The following PTPRD variants were observed in gnomAD, a reference collection of about 807,000 sequenced individuals.
The protein encoded by PTPRD is protein tyrosine phosphatase receptor type D.
A neutral mutation model predicts 214.5 loss-of-function variants in PTPRD; 34 were observed. That is an observed-to-expected ratio of 0.16 (90% CI 0.12 to 0.21). The LOEUF (loss-of-function observed/expected upper bound fraction) is 0.21. PTPRD is among the 10% of genes least tolerant of loss of function. The pLI is 1.00. For synonymous variants in PTPRD, 1,128 were observed against 845.7 expected, an observed-to-expected ratio of 1.33 and a Z score of -5.79; for missense variants, 2,545 against 2,398.7, an observed-to-expected ratio of 1.06 and a Z score of -1.27.
chr9:10,381,093 T>C (rs1261531780), intron 2 of PTPRD, among the ~76,000 whole-genome samples: 2 of 151,338 alleles, frequency 1.3e-5, no homozygotes, highest in East Asian at 2.0e-4. Context: ...ATAATTAAAA[T>C]ATAAGACCAA....
intron 9 of PTPRD, among the ~76,000 whole-genome samples, chr9:9,265,592 G>C (rs1390969611): frequency 6.6e-6 from 1 of 151,460 alleles, no homozygotes; most frequent in Middle Eastern, 3.2e-3. Context: ...CATGTATCTA[G>C]GGAGATGAAA....
At chr9:9,556,737 A>G (rs536469654) in intron 8 of PTPRD, among the ~76,000 whole-genome samples, 40 of 152,336 alleles carry the variant, frequency 2.6e-4, no homozygotes, top group African/African-American at 9.1e-4. Flanking sequence ...TGATCAAGTT[A>G]CATCCAAACT....
intron 11 of PTPRD, among the ~76,000 whole-genome samples, chr9:8,940,469 T>TTTG: frequency 6.9e-6 from 1 of 145,266 alleles, no homozygotes; most frequent in Non-Finnish European, 1.5e-5. Context: ...TTTTTGGTAT[T>TTTG]TTTAATAGAG....
chr9:8,406,954 T>C (rs1315173633), intron 35 of PTPRD, among the ~76,000 whole-genome samples: 1 of 152,216 alleles, frequency 6.6e-6, no homozygotes, highest in Non-Finnish European at 1.5e-5. Flanking sequence ...TATCCTTGTT[T>C]TACTTAGACT....
rs1261450425 is a variant in PTPRD, at chr9:8,724,654, C to T, written c.64+9126G>A. Among the ~76,000 whole-genome samples the T allele has an allele frequency of 3.9e-5, 6 of 152,106 alleles. No individual in the cohort carries two copies. In the East Asian group the frequency reaches 1.2e-3, roughly 29 times the overall value. ...ACCCAGTCTCCACCACTTAGCCAGG[C>T]TCATTTATTTTTATCATGTCTGTAA... On this transcript the variant is annotated intron_variant, in intron 12 of 45. Coordinates refer to ENST00000381196, the MANE Select transcript of PTPRD (RefSeq NM_002839.4).
intron 39 of PTPRD, among the ~76,000 whole-genome samples, chr9:8,370,203 T>TACAC (rs1175388764): frequency 1.9e-3 from 77 of 41,174 alleles, no homozygotes; most frequent in South Asian, 0.015. Flanking sequence ...TGCACATATA[T>TACAC]ATATACACAC....
intron 33 of PTPRD, among the ~76,000 whole-genome samples, chr9:8,458,435 C>T (rs1591068085): frequency 6.6e-6 from 1 of 152,098 alleles, no homozygotes; most frequent in East Asian, 1.9e-4. Context: ...ATTAATTTTT[C>T]CCATTTCAAA....
rs116638530 is a variant in PTPRD at position 10,458,577 on chromosome 9, G to C, written c.-599-117560C>G. ...AAAGGACATTTGTTTAAAAAGCACA[G>C]CTAACATCATAATAAGTGGGGAGAA... On this transcript the variant is annotated intron_variant, in intron 2 of 45. Coordinates refer to ENST00000381196, the MANE Select transcript of PTPRD (RefSeq NM_002839.4). 2.7e-3 allele frequency among the ~76,000 whole-genome samples: 405 copies of C among 152,256 alleles called. 1 individual carries two copies. The highest frequency in any genetic ancestry group is 9.1e-3 in the African/African-American group (376 of 41,542).
intron 8 of PTPRD, among the ~76,000 whole-genome samples, chr9:9,552,823 GAA>G (rs1304323593): frequency 6.6e-6 from 1 of 151,994 alleles, no homozygotes; most frequent in Non-Finnish European, 1.5e-5. Flanking sequence ...TAATACAATT[GAA>G]AAGTCATTTG....
chr9:9,212,734 G>A (rs1042048211), intron 9 of PTPRD, among the ~76,000 whole-genome samples: 3 of 152,114 alleles, frequency 2.0e-5, no homozygotes, highest in Non-Finnish European at 4.4e-5. Flanking sequence ...ACAGATATGG[G>A]TTATTGGACT....
chr9:9,267,811 G>C (rs1447074857), intron 9 of PTPRD, among the ~76,000 whole-genome samples: 1 of 150,578 alleles, frequency 6.6e-6, no homozygotes, highest in Non-Finnish European at 1.5e-5. Flanking sequence ...AAAAGCATTT[G>C]ACAAAATTGA....
chr9:8,793,358 A>G (rs2096296625), intron 11 of PTPRD, among the ~76,000 whole-genome samples: 1 of 152,186 alleles, frequency 6.6e-6, no homozygotes, highest in Admixed American at 6.5e-5. Context: ...GGAAGTAAGA[A>G]TGCTTGTCAA....
chr9:9,399,598 T>A (rs1196635012), intron 8 of PTPRD, among the ~76,000 whole-genome samples: 2 of 152,032 alleles, frequency 1.3e-5, no homozygotes, highest in Admixed American at 6.6e-5. Context: ...CTCTCATAAT[T>A]CCCACATATT....
At chr9:8,865,809 GTCAGAGTTAGGCCTCACTAA>G (rs2098186754) in intron 11 of PTPRD, among the ~76,000 whole-genome samples, 1 of 152,130 alleles carries the variant, frequency 6.6e-6, no homozygotes, top group African/African-American at 2.4e-5. Flanking sequence ...CTAGAGTTTG[GTCAGAGTTAGGCCTCACTAA>G]TCACAACACA....
chr9:9,404,708 G>A (rs1318350387), intron 8 of PTPRD, among the ~76,000 whole-genome samples: 1 of 152,058 alleles, frequency 6.6e-6, no homozygotes, highest in Non-Finnish European at 1.5e-5. Context: ...TCTAGGACTA[G>A]AGATAAACAT....
chr9:8,963,788 ATT>A (rs34690956), intron 11 of PTPRD, among the ~76,000 whole-genome samples: 57,128 of 151,564 alleles, frequency 0.38, 11,294 homozygotes, highest in East Asian at 0.5. Context: ...TTGGCTAATT[ATT>A]TTTTGTAGAG....
chr9:9,804,743 T>C (rs1298468576), intron 5 of PTPRD, among the ~76,000 whole-genome samples: 4 of 151,972 alleles, frequency 2.6e-5, no homozygotes, highest in African/African-American at 9.6e-5. Flanking sequence ...TACCATGCAC[T>C]TGGTAGAGAT....
At chr9:8,739,915 T>G (rs2091480633) in intron 11 of PTPRD, among the ~76,000 whole-genome samples, 1 of 152,158 alleles carries the variant, frequency 6.6e-6, no homozygotes, top group Non-Finnish European at 1.5e-5. Flanking sequence ...TGCTGCCATG[T>G]GAGATGTGAC....
intron 8 of PTPRD, among the ~76,000 whole-genome samples, chr9:9,401,117 C>G (rs943273048): frequency 3.9e-5 from 6 of 151,918 alleles, no homozygotes; most frequent in African/African-American, 1.4e-4. Flanking sequence ...TCAGTATTGA[C>G]TTGTAGAACC....
Sources: allele counts gnomAD v4.1 joint callset (sites outside exome capture counted in the v4.1 genomes callset), GRCh38; gene constraint gnomAD v4.1.1; transcripts MANE v1.5; gene names NCBI Gene and HGNC (gene_info 2026-07-23, HGNC 2026-07-21).